ACOT13: variants seen among roughly 807,000 people sequenced by gnomAD.
ACOT13 encodes acyl-coenzyme A thioesterase 13.
Under a neutral mutation model 11.8 loss-of-function variants are expected in ACOT13, and 10 were observed. The observed-to-expected ratio is 0.85, with a 90% CI of 0.53 to 1.44. ACOT13 has a LOEUF of 1.44. Among genes scored for constraint, ACOT13 ranks in the 40% most tolerant of loss-of-function variants. The pLI is 0.00. For missense variants in ACOT13, 172 were observed against 174.1 expected (o/e 0.99, Z 0.07); for synonymous variants, 53 against 61.0 (o/e 0.87, Z 0.61).
At chr6:24,671,086 A>G (rs1582432069) in intron 1 of ACOT13, among the ~76,000 whole-genome samples, 2 of 152,248 alleles carry the variant, frequency 1.3e-5, no homozygotes, top group African/African-American at 4.8e-5. Flanking sequence ...TAGAAATACC[A>G]TTTGACCCAG....
At chr6:24,682,928 T>C (rs1311437862) in intron 1 of ACOT13, among the ~76,000 whole-genome samples, 1 of 152,224 alleles carries the variant, frequency 6.6e-6, no homozygotes, top group Non-Finnish European at 1.5e-5. Flanking sequence ...AATAGATGAT[T>C]GGCTATTTCT....
chr6:24,667,491 T>G (rs1778279328), intron 1 of ACOT13, 147 bp downstream of exon 1: 2 of 724,366 alleles, frequency 2.8e-6, no homozygotes, highest in South Asian at 3.5e-5. Context: ...TAATGATTAT[T>G]ACTTTAATGG....
At chr6:24,690,741 A>G (rs754479833) in intron 1 of ACOT13, among the ~76,000 whole-genome samples, 3 of 151,692 alleles carry the variant, frequency 2.0e-5, no homozygotes, top group Non-Finnish European at 4.4e-5. Flanking sequence ...TAGTTTGCCA[A>G]CTCTTGTTAT....
chr6:24,695,714 C>T (rs1280805520), intron 1 of ACOT13, among the ~76,000 whole-genome samples: 6 of 152,100 alleles, frequency 3.9e-5, no homozygotes, highest in South Asian at 2.1e-4. Context: ...TATTCCTGCT[C>T]GGTGTGTATT....
At chr6:24,688,733 GT>G (rs1778676256) in intron 1 of ACOT13, among the ~76,000 whole-genome samples, 4 of 152,108 alleles carry the variant, frequency 2.6e-5, no homozygotes, top group South Asian at 2.1e-4. Flanking sequence ...AATTTCAATT[GT>G]TTATTTTTAA....
chr6:24,687,500 G>T, intron 1 of ACOT13: 1 of 1,374,350 alleles, frequency 7.3e-7, no homozygotes, highest in South Asian at 1.9e-5. Flanking sequence ...ATAGAAATAA[G>T]GAAGTGGAAT....
chr6:24,671,855 A>G (rs1163196973), intron 1 of ACOT13, among the ~76,000 whole-genome samples: 1 of 152,216 alleles, frequency 6.6e-6, no homozygotes, highest in Non-Finnish European at 1.5e-5. Context: ...ATTACTGATA[A>G]TGTACACTAG....
chr6:24,694,293 C>T (rs1256884789), intron 1 of ACOT13, among the ~76,000 whole-genome samples: 1 of 152,142 alleles, frequency 6.6e-6, no homozygotes, highest in Non-Finnish European at 1.5e-5. Flanking sequence ...ATAAAAGCCT[C>T]CATACCATCT....
chr6:24,693,126 AAGTT>A (rs1435696034), intron 1 of ACOT13, among the ~76,000 whole-genome samples: 1 of 152,242 alleles, frequency 6.6e-6, no homozygotes, highest in Non-Finnish European at 1.5e-5. Flanking sequence ...GTCACACACA[AAGTT>A]AGCAACATCC....
chr6:24,690,061 C>T (rs1055675180), intron 1 of ACOT13, among the ~76,000 whole-genome samples: 3 of 152,092 alleles, frequency 2.0e-5, no homozygotes, highest in African/African-American at 4.8e-5. Flanking sequence ...TTTACTTGGC[C>T]ATCCTAGGAG....
At chr6:24,674,833 T>C (rs1778424859) in intron 1 of ACOT13, among the ~76,000 whole-genome samples, 2 of 151,956 alleles carry the variant, frequency 1.3e-5, no homozygotes. Flanking sequence ...CTGCACCCAT[T>C]AACTCATCAT....
intron 1 of ACOT13, among the ~76,000 whole-genome samples, chr6:24,687,185 C>T (rs1022352360): frequency 6.6e-6 from 1 of 152,192 alleles, no homozygotes; most frequent in African/African-American, 2.4e-5. Flanking sequence ...ACTGGAACTA[C>T]GACCCATTAA....
intron 1 of ACOT13, chr6:24,687,731 GAC>G: frequency 7.1e-7 from 1 of 1,403,932 alleles, no homozygotes; most frequent in South Asian, 1.5e-5. Flanking sequence ...TTTTTTTTGA[GAC>G]AGAGTCTCAC....
In ACOT13 at chr6:24,697,911, A is replaced by G; in HGVS notation, c.110A>G (p.Lys37Arg). ...ACTCTTGTCTCTGCTGCTCCTGGGA[A>G]AGTGATTTGTGAAATGAAAGTAGAA... ...KITLVSAAPGKVICEMKVEEE... is the reference protein window; with the variant it reads ...KITLVSAAPGRVICEMKVEEE... The change falls in exon 2 of 3, where the codon AAA (lysine) becomes AGA (arginine). Residue 37 changes from lysine (K) to arginine (R), a missense_variant. Coordinates refer to ENST00000230048, the MANE Select transcript of ACOT13 (RefSeq NM_018473.4). The G allele has an allele frequency of 6.2e-7, 1 of 1,611,112 alleles. No homozygotes were observed. Among genetic ancestry groups the G allele is most frequent in the East Asian group, 2.2e-5 (1 of 44,766 alleles).
intron 1 of ACOT13, among the ~76,000 whole-genome samples, chr6:24,696,048 A>C (rs1033896357): frequency 6.6e-6 from 1 of 152,226 alleles, no homozygotes; most frequent in African/African-American, 2.4e-5. Context: ...ACAGAAAAGG[A>C]CTTCATCTCA....
rs879721136 is a variant in ACOT13, at chr6:24,703,835, G to C, written c.*2220G>C. The C allele has an allele frequency of 6.6e-6, 1 of 152,244 alleles. No individual in the cohort carries two copies. Among genetic ancestry groups the C allele is most frequent in the Non-Finnish European group, 1.5e-5 (1 of 68,054 alleles). The allele number at this position is 152,244 out of a possible 1,614,324, so 9.4% of individuals were successfully genotyped here. A position where few individuals can be genotyped will look rare whatever the true frequency, so the allele number is the denominator to read the frequency against. On this transcript the variant is annotated 3_prime_UTR_variant, in exon 3 of 3. Transcript: ENST00000230048. ...TCAAAAGTAACATCAATGAAGAGCA[G>C]ATGGAGAGTATACTTGAGAAGGGCG...
chr6:24,684,353 T>C (rs938366123), intron 1 of ACOT13, among the ~76,000 whole-genome samples: 2 of 152,250 alleles, frequency 1.3e-5, no homozygotes, highest in Non-Finnish European at 2.9e-5. Flanking sequence ...GTAGTCATTT[T>C]CCTTGGTAAG....
intron 1 of ACOT13, among the ~76,000 whole-genome samples, chr6:24,671,989 T>C (rs1778373612): frequency 6.6e-6 from 1 of 152,230 alleles, no homozygotes; most frequent in Admixed American, 6.5e-5. Context: ...CTGTGTAATT[T>C]TTGTACCAAA....
At chr6:24,679,413 T>C (rs925222861) in intron 1 of ACOT13, among the ~76,000 whole-genome samples, 2 of 152,204 alleles carry the variant, frequency 1.3e-5, no homozygotes, top group East Asian at 1.9e-4. Flanking sequence ...TGGCCTTCAA[T>C]AGAGTCAGGT....
Sources: allele counts gnomAD v4.1 joint callset (sites outside exome capture counted in the v4.1 genomes callset), GRCh38; gene constraint gnomAD v4.1.1; transcripts MANE v1.5; gene names NCBI Gene and HGNC (gene_info 2026-07-23, HGNC 2026-07-21).